NUMBL: variants seen among roughly 807,000 people sequenced by gnomAD.
NUMBL encodes NUMB like endocytic adaptor protein.
Under a neutral mutation model 48.9 loss-of-function variants are expected in NUMBL, and 20 were observed. That is an observed-to-expected ratio of 0.41 (90% confidence interval 0.29 to 0.59). The LOEUF (loss-of-function observed/expected upper bound fraction) is 0.59. Among genes scored for constraint, NUMBL ranks in the 20% least tolerant of loss-of-function variants. NUMBL has a pLI of 0.31. For missense variants in NUMBL, 660 were observed against 846.2 expected (o/e 0.78, Z 2.73); for synonymous variants, 340 against 348.7 (o/e 0.98, Z 0.28).
At chr19:40,680,793 C>A in intron 6 of NUMBL, 124 bp downstream of exon 6, 1 of 1,104,504 alleles carries the variant, frequency 9.1e-7, no homozygotes, top group South Asian at 1.4e-5. Flanking sequence ...ATACTTTCTT[C>A]TCCAGATGAG....
rs1005131646 is a variant in NUMBL, at chr19:40,666,983, C to T, written c.*485G>A. ...AGGTGAGTACAGCATTGGCAGTGAA[C>T]GCAGCGTGTGGGCAGAGGGCAGCCC... On this transcript the variant is annotated 3_prime_UTR_variant, in exon 10 of 10. Transcript: ENST00000252891. 4.0e-4 allele frequency: 72 copies of T among 178,998 alleles called. No individual in the cohort carries two copies. Among genetic ancestry groups the T allele is most frequent in the African/African-American group, 1.5e-3 (64 of 41,778 alleles). The allele number at this position is 178,998 out of a possible 1,614,324, so 11.1% of individuals were successfully genotyped here. A position where few individuals can be genotyped will look rare whatever the true frequency, so the allele number is the denominator to read the frequency against.
At chr19:40,675,142 CAAAAAAAAA>C (rs71334931) in intron 7 of NUMBL, among the ~76,000 whole-genome samples, 6 of 29,798 alleles carry the variant, frequency 2.0e-4, no homozygotes, top group African/African-American at 2.4e-4. Flanking sequence ...GACTCTGTCT[CAAAAAAAAA>C]AAAAAAAAAA....
rs2081944488 is a variant in NUMBL at position 40,688,257 on chromosome 19, G to A, written c.25-1262C>T. Reference sequence around the variant, plus strand: ...AAACATATAGCCTTTCTTCATGCAGGCACACAAGTCACACAGACAAGTATG... The same window carrying A: ...AAACATATAGCCTTTCTTCATGCAGACACACAAGTCACACAGACAAGTATG... On this transcript the variant is annotated intron_variant, in intron 1 of 9. Coordinates refer to ENST00000252891, the MANE Select transcript of NUMBL (RefSeq NM_004756.5). This position sits in a 1 kb window ranked among gnomAD's most constrained non-coding sequence, Gnocchi z 4.6. Among the ~76,000 whole-genome samples the A allele has an allele frequency of 6.6e-6, 1 of 152,192 alleles. No individual in the cohort carries two copies. The highest frequency in any genetic ancestry group is 1.5e-5 in the Non-Finnish European group (1 of 68,040).
At chr19:40,680,892 G>A in intron 6 of NUMBL, 25 bp downstream of exon 6, 1 of 1,613,954 alleles carries the variant, frequency 6.2e-7, no homozygotes, top group Non-Finnish European at 8.5e-7. Context: ...GGAGGGAAGA[G>A]TTGGCCAGCT....
chr19:40,674,442 G>A (rs73931345), intron 7 of NUMBL, among the ~76,000 whole-genome samples: 23,133 of 152,102 alleles, frequency 0.15, 1,913 homozygotes, highest in African/African-American at 0.2. Context: ...CACTCAGCAG[G>A]AGAGGCAGGC....
In NUMBL at chr19:40,667,798, T is replaced by G. The variant is rs1428636319; in HGVS notation, c.1500A>C (p.Pro500=). ...CCACCACGGGCACCCGGGGCATCGG[T>G]GGGTAGCCCAAGCCCGGGTAGGCGG... is the stretch of plus-strand genomic sequence containing the variant. The part of the protein sequence containing the change: ...FVPAYPGLGY[P]PMPRVPVVGI... The change falls in exon 10 of 10, where the codon CCA becomes CCC. Residue 500 remains proline (P), a synonymous_variant. Transcript: ENST00000252891. The surrounding 1 kb of genome is among the most constrained non-coding windows in gnomAD (Gnocchi z 6.1). The G allele has an allele frequency of 6.3e-7, 1 of 1,583,536 alleles. No homozygotes were observed. Among genetic ancestry groups the G allele is most frequent in the South Asian group, 1.1e-5 (1 of 86,972 alleles).
Position 40,667,919 on chromosome 19 carries a change from A to T in NUMBL, c.1379T>A (p.Leu460Gln). Residue 460 changes from leucine (L) to glutamine (Q), a missense_variant, in exon 10 of 10, where the codon CTG becomes CAG. By Grantham distance (113) the Leu-to-Gln change is moderately radical. Around this residue, in one of 3 missense-constraint regions of NUMBL, gnomAD observed 296 missense variants for 339.7 expected, o/e 0.87. Coordinates refer to ENST00000252891, the MANE Select transcript of NUMBL (RefSeq NM_004756.5). This position sits in a 1 kb window ranked among gnomAD's most constrained non-coding sequence, Gnocchi z 6.1. Reference protein sequence around the residue: ...VAPVPTMPPALQPFPAPVGPF... With the variant: ...VAPVPTMPPAQQPFPAPVGPF... ...CCCCACGGGGGCGGGGAAAGGCTGC[A>T]GGGCAGGAGGCATGGTGGGCACTGG... The T allele has an allele frequency of 6.4e-7, 1 of 1,571,142 alleles. No individual in the cohort carries two copies. The highest frequency in any genetic ancestry group is 8.6e-7 in the Non-Finnish European group (1 of 1,158,250).
chr19:40,687,009 G>A lies in NUMBL; in HGVS notation c.25-14C>T. 1.4e-6 allele frequency: 2 copies of A among 1,473,182 alleles called. No individual in the cohort carries two copies. Among genetic ancestry groups the A allele is most frequent in the South Asian group, 1.4e-5 (1 of 73,714 alleles). 91.3% of individuals were successfully genotyped at this position (1,473,182 alleles called of 1,614,324 possible). ...CCGGGGTCCGCCCTGCCCGAGTAGG[G>A]GAGGAGAAGGTGAGAAGTTTGTCTG... On this transcript the variant is annotated splice_polypyrimidine_tract_variant and intron_variant, in intron 1 of 9. Coordinates refer to ENST00000252891, the MANE Select transcript of NUMBL (RefSeq NM_004756.5). The surrounding 1 kb of genome is among the most constrained non-coding windows in gnomAD (Gnocchi z 4.6).
intron 9 of NUMBL, among the ~76,000 whole-genome samples, chr19:40,669,363 A>C (rs2144648197): frequency 6.6e-6 from 1 of 152,196 alleles, no homozygotes; most frequent in South Asian, 2.1e-4. Context: ...CATGATTCTC[A>C]GATAATTCCA....
intron 6 of NUMBL, among the ~76,000 whole-genome samples, chr19:40,679,827 G>A (rs192339526): frequency 3.7e-4 from 56 of 152,232 alleles, no homozygotes; most frequent in African/African-American, 1.2e-3. Context: ...GTGGGGAGAC[G>A]GGGTGAATTG....
Position 40,677,438 on chromosome 19 carries a change from G to C in NUMBL, c.541-17C>G. On this transcript the variant is annotated splice_polypyrimidine_tract_variant and intron_variant, in intron 6 of 9. Coordinates refer to ENST00000252891, the MANE Select transcript of NUMBL (RefSeq NM_004756.5). ...CCTCTCGCCCTATGGGGAGAGGATG[G>C]GCGGGGGGGTTAGAGGCGCTGGGCA... 1 of 1,602,210 alleles carries C rather than the reference G, an allele frequency of 6.2e-7. No individual in the cohort carries two copies. The highest frequency in any genetic ancestry group is 1.1e-5 in the South Asian group (1 of 90,624).
intron 3 of NUMBL, 195 bp downstream of exon 3, chr19:40,684,222 C>T: frequency 1.7e-6 from 1 of 588,588 alleles, no homozygotes; most frequent in Non-Finnish European, 2.9e-6. Context: ...GCGCCCGCCA[C>T]CACGCGAGGC....
rs1164547461 is a variant in NUMBL at position 40,686,919 on chromosome 19, G to A, written c.101C>T (p.Thr34Met). 10 of 1,541,916 alleles carry A rather than the reference G, an allele frequency of 6.5e-6. No individual in the cohort carries two copies. The highest frequency in any genetic ancestry group is 2.0e-5 in the Admixed American group (1 of 50,752). The change falls in exon 2 of 10, where the codon ACG becomes ATG. Residue 34 changes from threonine to methionine, a missense_variant. Thr to Met is a moderately conservative substitution (Grantham distance 81). This residue lies in a region of NUMBL where 86 missense variants were observed against 85.9 expected (regional missense o/e 1.00). Coordinates refer to ENST00000252891, the MANE Select transcript of NUMBL (RefSeq NM_004756.5). ...CCAGGCTGGTCGCTCACCTGGCTCC[G>A]TCCTGCAGGTTTCTGGGGGCCCCGG... ...GAPGPPETCRTEPDGAGTMNK... is the reference protein window; with the variant it reads ...GAPGPPETCRMEPDGAGTMNK...
At position 40,676,478 on chromosome 19, in the gene NUMBL, G is replaced by A. The variant is rs143409261; in HGVS notation, c.730+754C>T. The stretch of plus-strand genomic sequence containing the variant: ...TAATACACAGGTTGAAAAGCCCTGA[G>A]AAGGCCAGGCGCGGTGGCTCACCTG... On this transcript the variant is annotated intron_variant, in intron 7 of 9. Transcript: ENST00000252891. Among the ~76,000 whole-genome samples, 582 of 152,186 alleles carry A rather than the reference G, an allele frequency of 3.8e-3. 5 individuals carry two copies. The highest frequency in any genetic ancestry group is 0.014 in the African/African-American group (564 of 41,544).
intron 6 of NUMBL, among the ~76,000 whole-genome samples, chr19:40,678,801 C>A (rs2081890899): frequency 6.6e-6 from 1 of 152,134 alleles, no homozygotes; most frequent in Non-Finnish European, 1.5e-5. Flanking sequence ...ATTTGACATA[C>A]AAAAAGAATC....
chr19:40,683,329 TC>T (rs1195852273), intron 3 of NUMBL, among the ~76,000 whole-genome samples: 3 of 152,168 alleles, frequency 2.0e-5, no homozygotes, highest in Non-Finnish European at 4.4e-5. Context: ...CCTGGGCCAG[TC>T]CCCACAATGA....
chr19:40,684,384 C>T (rs1055469844), intron 3 of NUMBL, 33 bp downstream of exon 3: 28 of 1,535,618 alleles, frequency 1.8e-5, no homozygotes, highest in South Asian at 4.8e-5. Context: ...CCCCGTCCCC[C>T]TCGCCCCGCC....
At chr19:40,689,311 AGACT>A (rs1255084864) in intron 1 of NUMBL, among the ~76,000 whole-genome samples, 1 of 152,134 alleles carries the variant, frequency 6.6e-6, no homozygotes, top group Non-Finnish European at 1.5e-5. Context: ...AAACACAGAC[AGACT>A]AAAAAGTACA....
In NUMBL at chr19:40,682,985, TGGGG is replaced by T; in HGVS notation, c.250-21_250-18del. The T allele has an allele frequency of 6.9e-7, 1 of 1,442,838 alleles. No individual in the cohort carries two copies. Among genetic ancestry groups the T allele is most frequent in the Non-Finnish European group, 9.5e-7 (1 of 1,050,226 alleles). 89.4% of individuals were successfully genotyped at this position (1,442,838 alleles called of 1,614,324 possible). A position where few individuals can be genotyped will look rare whatever the true frequency, so the allele number is the denominator to read the frequency against. On this transcript the variant is annotated intron_variant, in intron 3 of 9. Coordinates refer to ENST00000252891, the MANE Select transcript of NUMBL (RefSeq NM_004756.5). This position sits in a 1 kb window ranked among gnomAD's most constrained non-coding sequence, Gnocchi z 4.0. ...ACCCAGGTACTTGGGTTGGAGGGAA[TGGGG>T]GGGGGGACATGAAACAGCACAGTAA...
Sources: gnomAD v4.1 joint callset for allele counts (sites outside exome capture counted in the v4.1 genomes callset) on GRCh38, gnomAD v4.1.1 for gene constraint, gnomAD v4.1.1 regional missense constraint, Gnocchi (gnomAD v3.1) non-coding constraint, MANE v1.5 for transcripts, NCBI Gene and HGNC (gene_info 2026-07-23, HGNC 2026-07-21) for gene names.